Variants in VCAN observed in about 807,000 individuals in gnomAD.
VCAN encodes versican, also known as versican core protein.
Under a neutral mutation model 245.5 loss-of-function variants are expected in VCAN, and 44 were observed. The observed-to-expected ratio is 0.18, with a 90% confidence interval of 0.14 to 0.23. VCAN has a LOEUF of 0.23. VCAN is among the 10% of genes least tolerant of loss of function. VCAN has a pLI of 1.00. For synonymous variants in VCAN, 1,413 were observed against 1,437.0 expected, an observed-to-expected ratio of 0.98 and a Z score of 0.38; for missense variants, 3,793 against 4,057.9, an observed-to-expected ratio of 0.93 and a Z score of 1.77.
rs372783528 is a variant in VCAN, at chr5:83,538,775, T to C, written c.5772T>C (p.Phe1924=). The C allele has an allele frequency of 6.2e-6, 10 of 1,613,898 alleles. No homozygotes were observed. The highest frequency in any genetic ancestry group is 8.5e-6 in the Non-Finnish European group (10 of 1,179,982). ...ATTATGGGGCAGAAATAAGGGGCTT[T>C]TCCACAGGTTTTCCTTTGGAGGAAG... The part of the protein sequence containing the change: ...EPNYGAEIRG[F]STGFPLEEDF... The change falls in exon 8 of 15, where the codon TTT becomes TTC. Residue 1924 remains phenylalanine, a synonymous_variant. Transcript: ENST00000265077.
intron 12 of VCAN, among the ~76,000 whole-genome samples, chr5:83,566,710 T>A (rs550130433): frequency 6.6e-6 from 1 of 152,174 alleles, no homozygotes; most frequent in Non-Finnish European, 1.5e-5. Flanking sequence ...TACATGGAAT[T>A]GAGGTCACTC....
Position 83,519,988 on chromosome 5 carries a change from C to A in VCAN, c.1682C>A (p.Thr561Lys). The stretch of plus-strand genomic sequence containing the variant: ...GGAGAAGAGGATGATGAAGACAGAA[C>A]ACTTACAGTTGGATCTGATGAGAGC... ...TLGEEDDEDR[T>K]LTVGSDESTL... The change falls in exon 7 of 15, where the codon ACA becomes AAA. Residue 561 changes from threonine (T) to lysine (K), a missense_variant. Coordinates refer to ENST00000265077, the MANE Select transcript of VCAN (RefSeq NM_004385.5). 1 of 1,614,082 alleles carries A rather than the reference C, an allele frequency of 6.2e-7. No individual in the cohort carries two copies. The highest frequency in any genetic ancestry group is 2.2e-5 in the East Asian group (1 of 44,868).
intron 13 of VCAN, among the ~76,000 whole-genome samples, chr5:83,578,480 A>G (rs1748556321): frequency 6.6e-6 from 1 of 152,018 alleles, no homozygotes; most frequent in Non-Finnish European, 1.5e-5. Flanking sequence ...CCTGAACTTA[A>G]AAGTTAAAAA....
In VCAN at chr5:83,522,233, G is replaced by A. The variant is rs1746137096; in HGVS notation, c.3927G>A (p.Thr1309=). The part of the protein sequence containing the change: ...KEAFGPQALS[T]PQPPASTKFH... ...CCTTTGGACCTCAGGCGCTTTCTAC[G>A]CCACAGCCCCCAGCAAGCACAAAAT... Residue 1309 remains threonine (T), a synonymous_variant, in exon 7 of 15, where the codon ACG becomes ACA. Transcript: ENST00000265077. 5.0e-6 allele frequency: 8 copies of A among 1,601,002 alleles called. No homozygotes were observed. The Admixed American group carries it at 6.7e-5, about 13-fold the overall frequency.
chr5:83,544,499 T>A (rs1408956610), intron 8 of VCAN, among the ~76,000 whole-genome samples: 1 of 152,220 alleles, frequency 6.6e-6, no homozygotes, highest in Non-Finnish European at 1.5e-5. Flanking sequence ...AAGTTAGACA[T>A]CTTTCTTCTT....
chr5:83,487,591 C>T (rs149971373), intron 2 of VCAN, among the ~76,000 whole-genome samples: 10 of 152,120 alleles, frequency 6.6e-5, no homozygotes, highest in Non-Finnish European at 8.8e-5. Context: ...GCATTAAGAC[C>T]GAAGATTTAA....
intron 5 of VCAN, among the ~76,000 whole-genome samples, chr5:83,506,753 A>T (rs1432729061): frequency 6.6e-6 from 1 of 152,212 alleles, no homozygotes; most frequent in African/African-American, 2.4e-5. Flanking sequence ...CATACCCGAG[A>T]CTGAGAAGAA....
In VCAN at chr5:83,541,523, C is replaced by A. The variant is rs1746990594; in HGVS notation, c.8520C>A (p.His2840Gln). The change falls in exon 8 of 15, where the codon CAC becomes CAA. Residue 2840 changes from histidine (H) to glutamine (Q), a missense_variant. His to Gln is a conservative substitution (Grantham distance 24). This residue lies in a region of VCAN where 3,182 missense variants were observed against 3,250.3 expected (regional missense o/e 0.98). Coordinates refer to ENST00000265077, the MANE Select transcript of VCAN (RefSeq NM_004385.5). Reference protein sequence around the residue: ...TIYSGSEASGHTEIPQPSALP... With the variant: ...TIYSGSEASGQTEIPQPSALP... ...ACTCAGGCAGTGAAGCCTCTGGACA[C>A]ACAGAGATCCCCCAGCCCAGTGCTC... 1.2e-6 allele frequency: 2 copies of A among 1,613,850 alleles called. No homozygotes were observed. Among genetic ancestry groups the A allele is most frequent in the South Asian group, 1.1e-5 (1 of 91,078 alleles).
At chr5:83,502,277 T>A (rs1745353562) in intron 5 of VCAN, among the ~76,000 whole-genome samples, 1 of 152,188 alleles carries the variant, frequency 6.6e-6, no homozygotes, top group Non-Finnish European at 1.5e-5. Flanking sequence ...CCTTGAAGCA[T>A]GTGACAGTCA....
chr5:83,539,103 TC>T lies in VCAN; in HGVS notation c.6101del (p.Ser2034LeufsTer40). 6.2e-7 allele frequency: 1 copy of T among 1,614,006 alleles called. No homozygotes were observed. The highest frequency in any genetic ancestry group is 8.5e-7 in the Non-Finnish European group (1 of 1,179,986). On this transcript the variant is annotated frameshift_variant, in exon 8 of 15. Transcript: ENST00000265077. LOFTEE classifies it high-confidence loss of function. ...GCTTCCCAGTGCTGTGCAAAAGTTT[TC>T]TGGTACAGCTTCCTCCATTATCGAC... The part of the protein sequence containing the change: ...PVLPSAVQKF[S>X]GTASSIIDEG...
In VCAN at chr5:83,490,432, G is replaced by T; in HGVS notation, c.405G>T (p.Gly135=). 1.9e-6 allele frequency: 3 copies of T among 1,614,182 alleles called. No individual in the cohort carries two copies. The South Asian group carries it at 3.3e-5, about 18-fold the overall frequency. The change falls in exon 3 of 15, where the codon GGG becomes GGT. Residue 135 remains glycine (G), a synonymous_variant. Transcript: ENST00000265077. ...AGLYRCDVMY[G]IEDTQDTVSL... Reference sequence around the variant, plus strand: ...TTTACCGCTGTGACGTCATGTACGGGATTGAAGACACACAAGACACGGTGT... The same window carrying T: ...TTTACCGCTGTGACGTCATGTACGGTATTGAAGACACACAAGACACGGTGT...
intron 13 of VCAN, among the ~76,000 whole-genome samples, chr5:83,577,288 T>C (rs1748521733): frequency 6.6e-6 from 1 of 152,186 alleles, no homozygotes; most frequent in African/African-American, 2.4e-5. Context: ...CTGATTAATA[T>C]GTAGCCTACT....
chr5:83,475,701 A>G (rs763701620), intron 1 of VCAN, among the ~76,000 whole-genome samples: 12 of 152,214 alleles, frequency 7.9e-5, no homozygotes, highest in Non-Finnish European at 1.5e-4. Context: ...GCCCGCAGTA[A>G]TATTGTAAAG....
chr5:83,513,760 CACA>C (rs1310589174), intron 6 of VCAN, among the ~76,000 whole-genome samples: 1 of 152,176 alleles, frequency 6.6e-6, no homozygotes, highest in Non-Finnish European at 1.5e-5. Flanking sequence ...GCTACATTGT[CACA>C]ACAATGATTT....
intron 8 of VCAN, among the ~76,000 whole-genome samples, chr5:83,544,072 C>T (rs557690183): frequency 6.6e-6 from 1 of 152,328 alleles, no homozygotes; most frequent in South Asian, 2.1e-4. Context: ...TGTGGCACAT[C>T]ACAGTCTGAT....
At chr5:83,551,416 G>A (rs940175910) in intron 10 of VCAN, among the ~76,000 whole-genome samples, 15 of 151,918 alleles carry the variant, frequency 9.9e-5, no homozygotes, top group Admixed American at 6.6e-4. Flanking sequence ...GGAGGCTGAG[G>A]CAGGAGACTC....
At chr5:83,563,721 A>G (rs1747963812) in intron 12 of VCAN, among the ~76,000 whole-genome samples, 2 of 152,212 alleles carry the variant, frequency 1.3e-5, no homozygotes, top group African/African-American at 4.8e-5. Flanking sequence ...CAGTGGCAAT[A>G]TGGGCCCCAG....
rs1487376959 is a variant in VCAN, at chr5:83,551,089, G to T, written c.9494-2275G>T. Among the ~76,000 whole-genome samples, 4 of 152,154 alleles carry T rather than the reference G, an allele frequency of 2.6e-5. No individual in the cohort carries two copies. The East Asian group carries it at 5.8e-4, about 22-fold the overall frequency. Reference sequence around the variant, plus strand: ...CCTCTATTTTTTGGACCTGTGTTCTGATTGGAATGTATGCATCTGCTAACT... The same window carrying T: ...CCTCTATTTTTTGGACCTGTGTTCTTATTGGAATGTATGCATCTGCTAACT... On this transcript the variant is annotated intron_variant, in intron 10 of 14. Transcript: ENST00000265077.
chr5:83,481,870 C>T (rs1292033710), intron 1 of VCAN, among the ~76,000 whole-genome samples: 1 of 151,876 alleles, frequency 6.6e-6, no homozygotes, highest in Non-Finnish European at 1.5e-5. Context: ...AACTCCAAGC[C>T]CTATTTATGT....
Sources: allele counts gnomAD v4.1 joint callset (sites outside exome capture counted in the v4.1 genomes callset), GRCh38; gene constraint gnomAD v4.1.1; regional missense constraint gnomAD v4.1.1; transcripts MANE v1.5; gene names NCBI Gene and HGNC (gene_info 2026-07-23, HGNC 2026-07-21).